ASIC2: variants seen among roughly 807,000 people sequenced by gnomAD.
The protein encoded by ASIC2 is acid sensing ion channel subunit 2.
A neutral mutation model predicts 57.3 loss-of-function variants in ASIC2; 25 were observed. The observed-to-expected ratio is 0.44, with a 90% CI of 0.32 to 0.61. ASIC2 has a LOEUF of 0.61. Ranked by LOEUF, ASIC2 falls within the 20% of genes least tolerant of loss-of-function variation. The pLI is 0.06. For synonymous variants in ASIC2, 319 were observed against 307.5 expected, an observed-to-expected ratio of 1.04 and a Z score of -0.39; for missense variants, 641 against 738.1, an observed-to-expected ratio of 0.87 and a Z score of 1.52.
intron 3 of ASIC2, among the ~76,000 whole-genome samples, chr17:33,082,946 C>T (rs2092119165): frequency 6.6e-6 from 1 of 152,130 alleles, no homozygotes; most frequent in East Asian, 1.9e-4. Context: ...GCTTCCAGAT[C>T]TATATCCCTA....
intron 1 of ASIC2, among the ~76,000 whole-genome samples, chr17:34,101,224 G>T (rs977067876): frequency 6.6e-6 from 1 of 152,146 alleles, no homozygotes. Context: ...AATGTATCCG[G>T]TATTGTTTTA....
chr17:33,664,946 A>C (rs1397006654), intron 1 of ASIC2, among the ~76,000 whole-genome samples: 1 of 152,242 alleles, frequency 6.6e-6, no homozygotes, highest in Non-Finnish European at 1.5e-5. Context: ...TCAGGTCCAA[A>C]AAGAAAAAGC....
At chr17:33,613,797 C>T (rs991576652) in intron 1 of ASIC2, among the ~76,000 whole-genome samples, 1 of 152,236 alleles carries the variant, frequency 6.6e-6, no homozygotes, top group Non-Finnish European at 1.5e-5. Flanking sequence ...ACGGGTCTTT[C>T]TCATACTACT....
intron 1 of ASIC2, among the ~76,000 whole-genome samples, chr17:33,269,299 C>T (rs1451043681): frequency 2.0e-5 from 3 of 152,202 alleles, no homozygotes; most frequent in East Asian, 3.8e-4. Context: ...CCTGACCCCC[C>T]GACCTAGAAC....
chr17:33,780,263 A>C (rs1439220446), intron 1 of ASIC2, among the ~76,000 whole-genome samples: 2 of 151,650 alleles, frequency 1.3e-5, no homozygotes, highest in Non-Finnish European at 2.9e-5. Context: ...CAGCCACCAC[A>C]CCTGGCCTGG....
chr17:33,314,281 C>T (rs560145708), intron 1 of ASIC2, among the ~76,000 whole-genome samples: 63 of 152,292 alleles, frequency 4.1e-4, no homozygotes, highest in Non-Finnish European at 6.2e-4. Context: ...TATTAATTTC[C>T]TTCTTCCTTT....
chr17:33,549,903 A>G (rs1915692704), intron 1 of ASIC2, among the ~76,000 whole-genome samples: 1 of 152,124 alleles, frequency 6.6e-6, no homozygotes, highest in Non-Finnish European at 1.5e-5. Flanking sequence ...TTTGTGAACT[A>G]TTGCCTTCTC....
At chr17:33,850,944 C>T (rs1167946893) in intron 1 of ASIC2, among the ~76,000 whole-genome samples, 1 of 152,022 alleles carries the variant, frequency 6.6e-6, no homozygotes, top group Non-Finnish European at 1.5e-5. Flanking sequence ...GAAAACTACA[C>T]CCAACACCAA....
chr17:33,973,796 C>T (rs1351803226), intron 1 of ASIC2, among the ~76,000 whole-genome samples: 1 of 151,922 alleles, frequency 6.6e-6, no homozygotes, highest in African/African-American at 2.4e-5. Flanking sequence ...TCTGGGTAAG[C>T]GTATTTGCTG....
chr17:33,591,108 G>A (rs2142004780), intron 1 of ASIC2, among the ~76,000 whole-genome samples: 1 of 152,288 alleles, frequency 6.6e-6, no homozygotes, highest in East Asian at 1.9e-4. Flanking sequence ...CTCTGAGGGT[G>A]ACTGCCATCC....
chr17:33,037,945 T>C (rs1015252337), intron 3 of ASIC2, among the ~76,000 whole-genome samples: 6 of 152,168 alleles, frequency 3.9e-5, no homozygotes, highest in Non-Finnish European at 5.9e-5. Context: ...GATTCAAGCA[T>C]TGGGTGTACA....
At chr17:33,183,745 C>T (rs972115538) in intron 1 of ASIC2, among the ~76,000 whole-genome samples, 2 of 152,130 alleles carry the variant, frequency 1.3e-5, no homozygotes, top group African/African-American at 4.8e-5. Flanking sequence ...CCATCCACAC[C>T]CTCTTGGTCT....
At chr17:33,063,253 G>A (rs1267086186) in intron 3 of ASIC2, among the ~76,000 whole-genome samples, 1 of 152,192 alleles carries the variant, frequency 6.6e-6, no homozygotes, top group Admixed American at 6.5e-5. Flanking sequence ...TTTCTTCCTA[G>A]CATCGATGGT....
chr17:33,017,796 C>CAT, intron 7 of ASIC2, 112 bp from the exon 8 acceptor site: 1 of 975,862 alleles, frequency 1.0e-6, no homozygotes, highest in Non-Finnish European at 1.5e-6. Context: ...CATGGGGAGC[C>CAT]TGGGCCTTGT....
intron 1 of ASIC2, among the ~76,000 whole-genome samples, chr17:33,911,500 G>A (rs1305171871): frequency 6.6e-6 from 1 of 152,196 alleles, no homozygotes; most frequent in Non-Finnish European, 1.5e-5. Flanking sequence ...GAAGTAGGCA[G>A]GGGAAGAAAC....
At chr17:33,406,419 A>C (rs1278482746) in intron 1 of ASIC2, among the ~76,000 whole-genome samples, 1 of 152,202 alleles carries the variant, frequency 6.6e-6, no homozygotes, top group Non-Finnish European at 1.5e-5. Flanking sequence ...TTATTTGTAC[A>C]AGACTGAGTT....
intron 1 of ASIC2, among the ~76,000 whole-genome samples, chr17:33,707,799 G>C (rs144924594): frequency 1.3e-5 from 2 of 152,264 alleles, no homozygotes; most frequent in African/African-American, 4.8e-5. Flanking sequence ...GCAGCTTCAT[G>C]GGCATGCACC....
chr17:33,301,571 G>A (rs1296176008), intron 1 of ASIC2, among the ~76,000 whole-genome samples: 1 of 152,136 alleles, frequency 6.6e-6, no homozygotes, highest in Non-Finnish European at 1.5e-5. Flanking sequence ...TGGATGTTGG[G>A]CACTGTCTTT....
At chr17:33,364,558 T>C (rs1908733291) in intron 1 of ASIC2, among the ~76,000 whole-genome samples, 1 of 152,034 alleles carries the variant, frequency 6.6e-6, no homozygotes. Context: ...TCTCATGAGA[T>C]CTGGTTGTTT....
Sources: gnomAD v4.1 joint callset for allele counts (sites outside exome capture counted in the v4.1 genomes callset) on GRCh38, gnomAD v4.1.1 for gene constraint, MANE v1.5 for transcripts, NCBI Gene and HGNC (gene_info 2026-07-23, HGNC 2026-07-21) for gene names.